CCDC27: variants seen among roughly 807,000 people sequenced by gnomAD.
CCDC27 encodes coiled-coil domain-containing protein 27.
Under a neutral mutation model 80.3 loss-of-function variants are expected in CCDC27, and 80 were observed. The observed-to-expected ratio is 1.00, with a 90% CI of 0.83 to 1.20. CCDC27 has a LOEUF of 1.20. Ranked by LOEUF, CCDC27 falls within the 50% of genes most tolerant of loss-of-function variation. CCDC27 has a pLI of 0.00. For missense variants in CCDC27, 815 were observed against 809.4 expected (o/e 1.01, Z -0.08); for synonymous variants, 342 against 334.3 (o/e 1.02, Z -0.25).
rs377444318 is a variant in CCDC27 at position 3,769,493 on chromosome 1, A to G, written c.1744-290A>G. ...TTTGTTGGTTTAAAAATATATATAT[A>G]TGTGTGTGTAGGTTTTACTTTCCAA... On this transcript the variant is annotated intron_variant, in intron 10 of 11. Transcript: ENST00000294600. This position sits in a 1 kb window ranked among gnomAD's most constrained non-coding sequence, Gnocchi z 4.6. 1.8e-4 allele frequency among the ~76,000 whole-genome samples: 28 copies of G among 152,130 alleles called. No individual in the cohort carries two copies. The highest frequency in any genetic ancestry group is 5.2e-4 in the Admixed American group (8 of 15,290).
At chr1:3,756,625 G>A in intron 3 of CCDC27, 108 bp from the exon 4 acceptor site, 1 of 1,164,408 alleles carries the variant, frequency 8.6e-7, no homozygotes, top group Non-Finnish European at 1.3e-6. Context: ...TGGGCAGATA[G>A]GGGTTTCCGA....
Position 3,752,537 on chromosome 1 carries a change from G to C in CCDC27, c.56G>C (p.Arg19Pro). ...CAAGCCAGGCTGAAGAGAGATCCAC[G>C]GGAAAAGCCGGGCCTGTCCTCATTC... is the stretch of plus-strand genomic sequence containing the variant. ...TPQARLKRDP[R>P]EKPGLSSFRS... The change falls in exon 1 of 12, where the codon CGG (arginine) becomes CCG (proline). Residue 19 changes from arginine to proline, a missense_variant. Arg to Pro is a moderately radical substitution (Grantham distance 103). Coordinates refer to ENST00000294600, the MANE Select transcript of CCDC27 (RefSeq NM_152492.3). The C allele has an allele frequency of 3.1e-6, 5 of 1,614,114 alleles. No individual in the cohort carries two copies. The highest frequency in any genetic ancestry group is 4.2e-6 in the Non-Finnish European group (5 of 1,180,044).
At position 3,769,946 on chromosome 1, in the gene CCDC27, G is replaced by A; in HGVS notation, c.1848+59G>A. 3 of 1,271,564 alleles carry A rather than the reference G, an allele frequency of 2.4e-6. No homozygotes were observed. Among genetic ancestry groups the A allele is most frequent in the Non-Finnish European group, 1.2e-6 (1 of 868,222 alleles). 78.8% of individuals were successfully genotyped at this position (1,271,564 alleles called of 1,614,324 possible). ...CCCCAGACCCCCAGGCCAGAGCTGT[G>A]GTAGGGGGTTGTGGGGGGCCTAGAT... On this transcript the variant is annotated intron_variant, in intron 11 of 11. Coordinates refer to ENST00000294600, the MANE Select transcript of CCDC27 (RefSeq NM_152492.3). The surrounding 1 kb of genome is among the most constrained non-coding windows in gnomAD (Gnocchi z 4.6).
rs1157842757 is a variant in CCDC27, at chr1:3,763,041, C to T, written c.955-67C>T. ...CCCTCCCCGGTGCCCCCGCCATGAG[C>T]ATTAGAGCCCTCTGCCCTGGGGGTG... is the stretch of plus-strand genomic sequence containing the variant. On this transcript the variant is annotated intron_variant, in intron 6 of 11. Transcript: ENST00000294600. The surrounding 1 kb of genome is among the most constrained non-coding windows in gnomAD (Gnocchi z 7.5). 2 of 1,437,228 alleles carry T rather than the reference C, an allele frequency of 1.4e-6. No individual in the cohort carries two copies. Among genetic ancestry groups the T allele is most frequent in the Non-Finnish European group, 1.8e-6 (2 of 1,093,650 alleles). The allele number at this position is 1,437,228 out of a possible 1,614,324, so 89.0% of individuals were successfully genotyped here.
At position 3,763,973 on chromosome 1, in the gene CCDC27, G is replaced by C. The variant is rs936252432; in HGVS notation, c.1452+137G>C. 1 of 1,402,238 alleles carries C rather than the reference G, an allele frequency of 7.1e-7. No individual in the cohort carries two copies. The highest frequency in any genetic ancestry group is 1.5e-5 in the African/African-American group (1 of 68,750). 86.9% of individuals were successfully genotyped at this position (1,402,238 alleles called of 1,614,324 possible). A position where few individuals can be genotyped will look rare whatever the true frequency, so the allele number is the denominator to read the frequency against. On this transcript the variant is annotated intron_variant, in intron 8 of 11. Transcript: ENST00000294600. The surrounding 1 kb of genome is among the most constrained non-coding windows in gnomAD (Gnocchi z 7.5). ...TGAGCCTGGGGTGTCCAGGCAGCTGGCCCAGGGTTGTGCGGCTGATAGCGG... is the reference window on the plus strand; with the variant it reads ...TGAGCCTGGGGTGTCCAGGCAGCTGCCCCAGGGTTGTGCGGCTGATAGCGG...
rs1643097918 is a variant in CCDC27, at chr1:3,761,960, G to T, written c.861+530G>T. 6.8e-6 allele frequency among the ~76,000 whole-genome samples: 1 copy of T among 146,670 alleles called. No homozygotes were observed. Among genetic ancestry groups the T allele is most frequent in the South Asian group, 2.2e-4 (1 of 4,472 alleles). ...CTCTGGCTGTGAAGCCCCCTGCGAGGTTGGGCATGGGGTTGGGGTGGGGGT... is the reference window on the plus strand; with the variant it reads ...CTCTGGCTGTGAAGCCCCCTGCGAGTTTGGGCATGGGGTTGGGGTGGGGGT... On this transcript the variant is annotated intron_variant, in intron 5 of 11. Transcript: ENST00000294600. The surrounding 1 kb of genome is among the most constrained non-coding windows in gnomAD (Gnocchi z 5.0).
chr1:3,762,865 C>T lies in CCDC27; in HGVS notation c.954+153C>T, dbSNP rs1217114514. 18 of 815,630 alleles carry T rather than the reference C, an allele frequency of 2.2e-5. 1 individual carries two copies. Among genetic ancestry groups the T allele is most frequent in the African/African-American group, 3.5e-5 (2 of 57,720 alleles). 50.5% of individuals were successfully genotyped at this position (815,630 alleles called of 1,614,324 possible). The stretch of plus-strand genomic sequence containing the variant: ...AGGGGAGCAGGTGAGGTGGGTGGGT[C>T]GTTAGCCCCCTTGAAGGCACAGGTC... On this transcript the variant is annotated intron_variant, in intron 6 of 11. Transcript: ENST00000294600.
intron 4 of CCDC27, 130 bp downstream of exon 4, chr1:3,757,020 C>A: frequency 9.5e-7 from 1 of 1,052,838 alleles, no homozygotes; most frequent in Non-Finnish European, 1.4e-6. Flanking sequence ...GTCCCCATGG[C>A]CTAAAATGAC....
intron 9 of CCDC27, 125 bp from the exon 10 acceptor site, chr1:3,767,108 G>C: frequency 1.3e-6 from 1 of 782,626 alleles, no homozygotes; most frequent in Admixed American, 2.4e-5. Flanking sequence ...CAAAGTGCTG[G>C]GATTACAGGC....
At chr1:3,756,452 C>T (rs1414067050) in intron 3 of CCDC27, 8 of 302,276 alleles carry the variant, frequency 2.6e-5, no homozygotes, top group South Asian at 8.8e-5. Flanking sequence ...CTCCCAGCTC[C>T]GGCTCGTTTG....
At position 3,761,446 on chromosome 1, in the gene CCDC27, C is replaced by T. The variant is rs773304302; in HGVS notation, c.861+16C>T. 37 of 1,612,178 alleles carry T rather than the reference C, an allele frequency of 2.3e-5. No homozygotes were observed. The highest frequency in any genetic ancestry group is 1.8e-4 in the Middle Eastern group (1 of 5,496). On this transcript the variant is annotated intron_variant, in intron 5 of 11. Transcript: ENST00000294600. The surrounding 1 kb of genome is among the most constrained non-coding windows in gnomAD (Gnocchi z 5.0). ...AGGCAGGAGGGTGAGCCAGCCCCAG[C>T]GGGGCACAGCGCAGAGCTCTAAGAC...
intron 1 of CCDC27, among the ~76,000 whole-genome samples, chr1:3,753,087 C>T (rs564505348): frequency 3.9e-5 from 6 of 152,262 alleles, no homozygotes; most frequent in East Asian, 3.9e-4. Context: ...CCTTGGCTCC[C>T]GGTGTCTCTG....
At chr1:3,771,262 C>A in intron 11 of CCDC27, 139 bp from the exon 12 acceptor site, 2 of 1,018,198 alleles carry the variant, frequency 2.0e-6, no homozygotes, top group Non-Finnish European at 2.9e-6. Flanking sequence ...TTCACCAGCA[C>A]ACCCCTGCTG....
Position 3,769,719 on chromosome 1 carries a change from C to A in CCDC27, c.1744-64C>A. ...ATAAAAAATAAGGTGGTGGGGGGTG[C>A]AGCCCACTGGCCAGGTGCCTTCTTG... On this transcript the variant is annotated intron_variant, in intron 10 of 11. Coordinates refer to ENST00000294600, the MANE Select transcript of CCDC27 (RefSeq NM_152492.3). The surrounding 1 kb of genome is among the most constrained non-coding windows in gnomAD (Gnocchi z 4.6). The A allele has an allele frequency of 1.8e-6, 2 of 1,100,440 alleles. No individual in the cohort carries two copies. Among genetic ancestry groups the A allele is most frequent in the Non-Finnish European group, 2.8e-6 (2 of 711,632 alleles). 68.2% of individuals were successfully genotyped at this position (1,100,440 alleles called of 1,614,324 possible).
At chr1:3,758,799 G>A (rs1643022578) in intron 4 of CCDC27, among the ~76,000 whole-genome samples, 1 of 151,788 alleles carries the variant, frequency 6.6e-6, no homozygotes, top group Non-Finnish European at 1.5e-5. Flanking sequence ...GTTTCTCCAT[G>A]TTGCTCAGGT....
At chr1:3,759,172 G>A (rs1433359439) in intron 4 of CCDC27, among the ~76,000 whole-genome samples, 4 of 151,372 alleles carry the variant, frequency 2.6e-5, no homozygotes, top group African/African-American at 7.3e-5. Context: ...AGCTGAGATC[G>A]AGCCACTGCA....
At chr1:3,759,109 T>C (rs1643029265) in intron 4 of CCDC27, among the ~76,000 whole-genome samples, 1 of 151,666 alleles carries the variant, frequency 6.6e-6, no homozygotes, top group Non-Finnish European at 1.5e-5. Flanking sequence ...CCCAGCTACT[T>C]GGGAGGCTGA....
In CCDC27 at chr1:3,761,641, G is replaced by A. The variant is rs1643089136; in HGVS notation, c.861+211G>A. 6.8e-6 allele frequency among the ~76,000 whole-genome samples: 1 copy of A among 146,174 alleles called. No homozygotes were observed. Among genetic ancestry groups the A allele is most frequent in the Admixed American group, 6.7e-5 (1 of 14,876 alleles). On this transcript the variant is annotated intron_variant, in intron 5 of 11. Transcript: ENST00000294600. This position sits in a 1 kb window ranked among gnomAD's most constrained non-coding sequence, Gnocchi z 5.0. ...GCACGAAATGACAAATGAGAGCCATGAGCTGATGCAACAGGGGGGGGAGAG... is the reference window on the plus strand; with the variant it reads ...GCACGAAATGACAAATGAGAGCCATAAGCTGATGCAACAGGGGGGGGAGAG...
rs1003484522 is a variant in CCDC27 at position 3,769,404 on chromosome 1, C to T, written c.1744-379C>T. ...CCCCAAGGGCCAGGAAGTCCGCTCA[C>T]TGCAGCTCCCCTGGGCAGTGGAGGA... On this transcript the variant is annotated intron_variant, in intron 10 of 11. Transcript: ENST00000294600. This position sits in a 1 kb window ranked among gnomAD's most constrained non-coding sequence, Gnocchi z 4.6. Among the ~76,000 whole-genome samples the T allele has an allele frequency of 6.6e-6, 1 of 152,200 alleles. No homozygotes were observed. The highest frequency in any genetic ancestry group is 1.5e-5 in the Non-Finnish European group (1 of 68,030).
Sources: gnomAD v4.1 joint callset for allele counts (sites outside exome capture counted in the v4.1 genomes callset) on GRCh38, gnomAD v4.1.1 for gene constraint, Gnocchi (gnomAD v3.1) non-coding constraint, MANE v1.5 for transcripts, NCBI Gene and HGNC (gene_info 2026-07-23, HGNC 2026-07-21) for gene names.